The following TRIP12 variants were observed in gnomAD, a reference collection of about 807,000 sequenced individuals.
The protein encoded by TRIP12 is thyroid hormone receptor interactor 12.
In TRIP12, 25 loss-of-function variants were observed where a neutral mutation model predicts 244.2. The observed-to-expected ratio is 0.10, with a 90% confidence interval of 0.07 to 0.14. The LOEUF (loss-of-function observed/expected upper bound fraction) is 0.14, where lower values mean the gene tolerates loss of function less well. Among genes scored for constraint, TRIP12 ranks in the 10% least tolerant of loss-of-function variants. The pLI, the probability that TRIP12 is intolerant of heterozygous loss-of-function variation, is 1.00. For missense variants in TRIP12, 1,677 were observed against 2,486.4 expected, an observed-to-expected ratio of 0.67 and a Z score of 6.92; for synonymous variants, 905 against 873.1, an observed-to-expected ratio of 1.04 and a Z score of -0.64.
In TRIP12 at chr2:229,815,143, A is replaced by C; in HGVS notation, c.1687T>G (p.Ser563Ala). 2 of 1,613,324 alleles carry C rather than the reference A, an allele frequency of 1.2e-6. No homozygotes were observed. The highest frequency in any genetic ancestry group is 1.7e-6 in the Non-Finnish European group (2 of 1,179,676). The change falls in exon 11 of 42, where the codon TCT (serine) becomes GCT (alanine). Residue 563 changes from serine to alanine, a missense_variant. By Grantham distance (99) the Ser-to-Ala change is moderately conservative (BLOSUM62 1). Around this residue, in one of 11 missense-constraint regions of TRIP12, gnomAD observed 572 missense variants for 867.8 expected, o/e 0.66. Transcript: ENST00000675903. ...ATAGCATCTACTACAACAGCAGAAGATCGAGGAAGTGCTTCCATCATGTAT... is the reference window on the plus strand; with the variant it reads ...ATAGCATCTACTACAACAGCAGAAGCTCGAGGAAGTGCTTCCATCATGTAT... ...LTYMMEALPR[S>A]SAVVVDAIPV...
chr2:229,892,403 TA>T (rs2154362805), intron 1 of TRIP12, among the ~76,000 whole-genome samples: 1 of 152,296 alleles, frequency 6.6e-6, no homozygotes, highest in African/African-American at 2.4e-5. Context: ...AGAGAAGTAG[TA>T]AAAAGTACCT....
At position 229,764,596 on chromosome 2, in the gene TRIP12, C is replaced by T. The variant is rs1166643597; in HGVS notation, c.*2958G>A. ...GTCGAGAGTACAGCTGCAGCACCTG[C>T]TAAGCCAGAAGGAAGACGGCAAACT... On this transcript the variant is annotated 3_prime_UTR_variant, in exon 42 of 42. Transcript: ENST00000675903. 1 of 152,234 alleles carries T rather than the reference C, an allele frequency of 6.6e-6. No homozygotes were observed. The highest frequency in any genetic ancestry group is 6.5e-5 in the Admixed American group (1 of 15,286). 9.4% of individuals were successfully genotyped at this position (152,234 alleles called of 1,614,324 possible).
At chr2:229,790,449 G>GA (rs981862775) in intron 30 of TRIP12, among the ~76,000 whole-genome samples, 6 of 136,820 alleles carry the variant, frequency 4.4e-5, no homozygotes, top group African/African-American at 1.1e-4. Context: ...TTAGTTTTGT[G>GA]AAAAAAAAGT....
intron 1 of TRIP12, among the ~76,000 whole-genome samples, chr2:229,881,947 T>TTA (rs2064975905): frequency 6.6e-6 from 1 of 152,210 alleles, no homozygotes; most frequent in African/African-American, 2.4e-5. Context: ...GATTGTCAAT[T>TTA]TATAAGGAAT....
intron 2 of TRIP12, 45 bp from the exon 3 acceptor site, chr2:229,860,576 T>C (rs768378001): frequency 1.3e-6 from 2 of 1,544,904 alleles, no homozygotes; most frequent in East Asian, 2.3e-5. Context: ...GAAACTGAGA[T>C]GCAAATACAA....
At chr2:229,922,931 G>A (rs2076806718), upstream of TRIP12, among the ~76,000 whole-genome samples, 1 of 152,188 alleles carries the variant, frequency 6.6e-6, no homozygotes, top group Admixed American at 6.5e-5. Context: ...TCCGGCTTGC[G>A]TGCGGCCTCA....
chr2:229,877,530 C>T (rs1222014569), intron 2 of TRIP12, among the ~76,000 whole-genome samples: 1 of 152,098 alleles, frequency 6.6e-6, no homozygotes, highest in Non-Finnish European at 1.5e-5. Context: ...AAGACTCCGT[C>T]TCAAAAAATA....
intron 21 of TRIP12, among the ~76,000 whole-genome samples, chr2:229,800,196 A>C (rs1289899682): frequency 6.6e-6 from 1 of 152,222 alleles, no homozygotes; most frequent in East Asian, 1.9e-4. Flanking sequence ...TAGTGTGACA[A>C]TGGCAATAAC....
At chr2:229,777,106 T>C (rs1020316320) in intron 37 of TRIP12, among the ~76,000 whole-genome samples, 3 of 152,214 alleles carry the variant, frequency 2.0e-5, no homozygotes, top group African/African-American at 7.2e-5. Flanking sequence ...AGAATTGTAT[T>C]TGCTAATCAA....
intron 1 of TRIP12, among the ~76,000 whole-genome samples, chr2:229,904,354 GCTGCACTGACCCAAGATTATGCCAC>G (rs973892592): frequency 7.0e-6 from 1 of 143,074 alleles, no homozygotes; most frequent in Non-Finnish European, 1.5e-5. Flanking sequence ...GGAGGTACAG[GCTGCACTGACCCAAGATTATGCCAC>G]TGCACTCCAG....
In TRIP12 at chr2:229,907,621, G is replaced by A. The variant is rs535358529; in HGVS notation, c.-50+14259C>T. Among the ~76,000 whole-genome samples the A allele has an allele frequency of 3.0e-4, 45 of 152,162 alleles. 1 individual carries two copies. Among genetic ancestry groups the A allele is most frequent in the African/African-American group, 9.9e-4 (41 of 41,518 alleles). ...AGAGTTCAAGACCAGCCTGGGCAAC[G>A]TGGCAAGATTTCATCTCTACAATAA... On this transcript the variant is annotated intron_variant, in intron 1 of 41. Coordinates refer to ENST00000675903, the MANE Select transcript of TRIP12 (RefSeq NM_001348323.3).
chr2:229,830,646 C>T (rs968040741), intron 7 of TRIP12, 110 bp downstream of exon 7: 3 of 1,040,054 alleles, frequency 2.9e-6, no homozygotes, highest in Non-Finnish European at 4.1e-6. Flanking sequence ...GAGGTGCAGG[C>T]ACTGCTAGAT....
At chr2:229,804,698 C>T (rs1267431114) in intron 18 of TRIP12, among the ~76,000 whole-genome samples, 1 of 152,098 alleles carries the variant, frequency 6.6e-6, no homozygotes, top group African/African-American at 2.4e-5. Flanking sequence ...AAGTTATATA[C>T]AAGGGGTTGA....
chr2:229,860,676 A>G (rs1042432083), intron 2 of TRIP12, 145 bp from the exon 3 acceptor site: 1 of 875,116 alleles, frequency 1.1e-6, no homozygotes, highest in South Asian at 3.6e-5. Context: ...TATAAATTTT[A>G]ATTATTATTC....
At chr2:229,787,472 C>T in intron 33 of TRIP12, 33 bp downstream of exon 33, 2 of 1,585,896 alleles carry the variant, frequency 1.3e-6, no homozygotes, top group Non-Finnish European at 1.7e-6. Context: ...TTGAAAAGCT[C>T]AGATTATTTA....
intron 2 of TRIP12, among the ~76,000 whole-genome samples, chr2:229,878,200 C>T (rs1040031909): frequency 1.1e-4 from 16 of 152,040 alleles, no homozygotes; most frequent in African/African-American, 2.9e-4. Context: ...ACCTATAATC[C>T]GAGCACTCTG....
rs976517347 is a variant in TRIP12 at position 229,815,039 on chromosome 2, G to A, written c.1731+60C>T. Reference sequence around the variant, plus strand: ...TTAGAAAATGAAAGCTAAAATTCAAGAGTTTGAAACTTGACTCCCTATGCC... The same window carrying A: ...TTAGAAAATGAAAGCTAAAATTCAAAAGTTTGAAACTTGACTCCCTATGCC... On this transcript the variant is annotated intron_variant, in intron 11 of 41. Transcript: ENST00000675903. 2.1e-5 allele frequency: 27 copies of A among 1,277,082 alleles called. No homozygotes were observed. The African/African-American group carries it at 4.1e-4, about 19-fold the overall frequency. 79.1% of individuals were successfully genotyped at this position (1,277,082 alleles called of 1,614,324 possible).
At chr2:229,829,518 T>C (rs1409296215) in intron 7 of TRIP12, among the ~76,000 whole-genome samples, 2 of 152,246 alleles carry the variant, frequency 1.3e-5, no homozygotes, top group Non-Finnish European at 2.9e-5. Flanking sequence ...AATATTTTGA[T>C]ATTTTGAAGA....
At chr2:229,898,025 G>A (rs1404437717) in intron 1 of TRIP12, among the ~76,000 whole-genome samples, 2 of 152,176 alleles carry the variant, frequency 1.3e-5, no homozygotes, top group Non-Finnish European at 2.9e-5. Context: ...TATAATGGCT[G>A]TATTTAATAC....
Sources: allele counts gnomAD v4.1 joint callset (sites outside exome capture counted in the v4.1 genomes callset), GRCh38; gene constraint gnomAD v4.1.1; regional missense constraint gnomAD v4.1.1; transcripts MANE v1.5; gene names NCBI Gene and HGNC (gene_info 2026-07-23, HGNC 2026-07-21).